Variants in SEC22A observed in about 807,000 individuals in gnomAD.
SEC22A encodes the protein vesicle-trafficking protein SEC22a.
In SEC22A, 22 loss-of-function variants were observed where a neutral mutation model predicts 35.3. That is an observed-to-expected ratio of 0.62 (90% confidence interval 0.45 to 0.89). The LOEUF (loss-of-function observed/expected upper bound fraction) is 0.89, where lower values mean the gene tolerates loss of function less well. SEC22A is among the 40% of genes least tolerant of loss of function. The pLI is 0.00. For synonymous variants in SEC22A, 119 were observed against 129.5 expected, an observed-to-expected ratio of 0.92 and a Z score of 0.55; for missense variants, 354 against 362.5, an observed-to-expected ratio of 0.98 and a Z score of 0.19.
At chr3:123,210,943 G>A (rs998150551) in intron 2 of SEC22A, among the ~76,000 whole-genome samples, 1 of 152,260 alleles carries the variant, frequency 6.6e-6, no homozygotes, top group Admixed American at 6.5e-5. Context: ...CTGGGTCAGT[G>A]GATGGTGATT....
At chr3:123,265,021 A>C (rs1323638954) in intron 6 of SEC22A, among the ~76,000 whole-genome samples, 1 of 152,056 alleles carries the variant, frequency 6.6e-6, no homozygotes, top group Non-Finnish European at 1.5e-5. Flanking sequence ...TTGACCCTTT[A>C]TATTTGTGGG....
chr3:123,265,959 T>C (rs1271224715), intron 6 of SEC22A, among the ~76,000 whole-genome samples: 2 of 152,206 alleles, frequency 1.3e-5, no homozygotes, highest in African/African-American at 4.8e-5. Flanking sequence ...GTATAATAAG[T>C]CATAAATTTT....
At chr3:123,253,310 T>A (rs1273328294) in intron 5 of SEC22A, among the ~76,000 whole-genome samples, 2 of 152,198 alleles carry the variant, frequency 1.3e-5, no homozygotes, top group Non-Finnish European at 2.9e-5. Context: ...AATCTAAGAT[T>A]TCTCGGATTC....
chr3:123,224,522 G>A (rs1237281207), intron 3 of SEC22A, among the ~76,000 whole-genome samples: 1 of 152,124 alleles, frequency 6.6e-6, no homozygotes, highest in Non-Finnish European at 1.5e-5. Context: ...GGCCAGGTGT[G>A]GTGTGGCTCA....
At chr3:123,220,526 T>G (rs1576487086) in intron 2 of SEC22A, among the ~76,000 whole-genome samples, 3 of 152,198 alleles carry the variant, frequency 2.0e-5, no homozygotes, top group Non-Finnish European at 4.4e-5. Context: ...CCTTAAGAGA[T>G]ACATTTTACT....
intron 5 of SEC22A, among the ~76,000 whole-genome samples, chr3:123,252,480 T>G (rs1235258595): frequency 6.6e-6 from 1 of 152,176 alleles, no homozygotes; most frequent in East Asian, 1.9e-4. Flanking sequence ...TCTCTGATAC[T>G]TGATTTAAGA....
intron 2 of SEC22A, among the ~76,000 whole-genome samples, chr3:123,211,483 T>C (rs1308765680): frequency 6.6e-6 from 1 of 151,976 alleles, no homozygotes; most frequent in Non-Finnish European, 1.5e-5. Flanking sequence ...TTTAAGACAC[T>C]GGGGCTTGCT....
intron 1 of SEC22A, among the ~76,000 whole-genome samples, chr3:123,206,096 A>C (rs936377626): frequency 1.3e-5 from 2 of 152,146 alleles, no homozygotes; most frequent in Non-Finnish European, 2.9e-5. Context: ...CCAGACATAA[A>C]ATAATACAGT....
Position 123,225,211 on chromosome 3 carries a change from A to G in SEC22A, c.455A>G (p.Gln152Arg), listed in dbSNP as rs762093476. ...QTEIKLRPPYQISMCELGSAN... is the reference protein window; with the variant it reads ...QTEIKLRPPYRISMCELGSAN... ...GAAATCAAGCTGAGGCCTCCTTATC[A>G]AATTTCCATGTGCGAACTGGGGTCA... is the stretch of plus-strand genomic sequence containing the variant. Residue 152 changes from glutamine (Q) to arginine (R), a missense_variant, in exon 4 of 7, where the codon CAA becomes CGA. Coordinates refer to ENST00000492595, the MANE Select transcript of SEC22A (RefSeq NM_012430.5). 20 of 1,613,700 alleles carry G rather than the reference A, an allele frequency of 1.2e-5. No homozygotes were observed. The East Asian group carries it at 4.0e-4, about 32-fold the overall frequency.
At chr3:123,239,077 G>A (rs555201598) in intron 4 of SEC22A, among the ~76,000 whole-genome samples, 1 of 151,996 alleles carries the variant, frequency 6.6e-6, no homozygotes, top group African/African-American at 2.4e-5. Context: ...GGAGATTTAC[G>A]TATATTAAAA....
intron 2 of SEC22A, among the ~76,000 whole-genome samples, chr3:123,213,208 C>G (rs867157850): frequency 6.6e-5 from 10 of 152,170 alleles, no homozygotes; most frequent in Middle Eastern, 3.2e-3. Flanking sequence ...CATATGTTTT[C>G]TATCATTGAT....
At chr3:123,260,140 A>AAAAAAAAAAAAAAAAC (rs1937851701) in intron 6 of SEC22A, among the ~76,000 whole-genome samples, 1 of 37,634 alleles carries the variant, frequency 2.7e-5, no homozygotes, top group South Asian at 7.5e-4. Flanking sequence ...TCAAAAAAAA[A>AAAAAAAAAAAAAAAAC]AAAAAAAAAA....
chr3:123,217,653 G>A (rs552689429), intron 2 of SEC22A, among the ~76,000 whole-genome samples: 1 of 152,202 alleles, frequency 6.6e-6, no homozygotes, highest in Admixed American at 6.5e-5. Flanking sequence ...ATGTATAGTG[G>A]CACAATTATA....
chr3:123,229,267 T>A (rs888055153), intron 4 of SEC22A, among the ~76,000 whole-genome samples: 1 of 152,208 alleles, frequency 6.6e-6, no homozygotes, highest in East Asian at 1.9e-4. Flanking sequence ...TACATGAGTT[T>A]ACCTGTATAA....
rs915427858 is a variant in SEC22A, at chr3:123,272,096, G to A, written c.*374G>A. 4.4e-6 allele frequency: 1 copy of A among 228,680 alleles called. No individual in the cohort carries two copies. The highest frequency in any genetic ancestry group is 2.3e-5 in the African/African-American group (1 of 43,942). The allele number at this position is 228,680 out of a possible 1,614,324, so 14.2% of individuals were successfully genotyped here. ...AACTCTACAACCTGAGTTTGCCTTT[G>A]TGAGGCATTAGTATAGACCAAATAA... On this transcript the variant is annotated 3_prime_UTR_variant, in exon 7 of 7. Coordinates refer to ENST00000492595, the MANE Select transcript of SEC22A (RefSeq NM_012430.5).
At chr3:123,267,889 GT>G (rs1208396516) in intron 6 of SEC22A, among the ~76,000 whole-genome samples, 1 of 152,094 alleles carries the variant, frequency 6.6e-6, no homozygotes, top group East Asian at 1.9e-4. Context: ...AAATGTTCTA[GT>G]TTTTTTCTGG....
rs1559753931 is a variant in SEC22A at position 123,223,559 on chromosome 3, T to C, written c.183T>C (p.Asn61=). The change falls in exon 3 of 7, where the codon AAT becomes AAC. Residue 61 remains asparagine, a splice_region_variant and synonymous_variant. Coordinates refer to ENST00000492595, the MANE Select transcript of SEC22A (RefSeq NM_012430.5). ...CTLKTGHYNI[N]FISSLGVSYM... ...AAAACCAATGTTTTTTACACTGTAGTTTTATTAGCTCTCTGGGAGTGAGCT... is the reference window on the plus strand; with the variant it reads ...AAAACCAATGTTTTTTACACTGTAGCTTTATTAGCTCTCTGGGAGTGAGCT... 1.2e-6 allele frequency: 2 copies of C among 1,610,026 alleles called. No individual in the cohort carries two copies. The highest frequency in any genetic ancestry group is 1.7e-6 in the Non-Finnish European group (2 of 1,178,252).
intron 2 of SEC22A, among the ~76,000 whole-genome samples, chr3:123,216,955 T>G (rs184083511): frequency 4.1e-4 from 62 of 152,092 alleles, no homozygotes; most frequent in Non-Finnish European, 2.8e-4. Context: ...GCCTCCTGAG[T>G]AGCTGTGACT....
At chr3:123,261,915 G>A (rs1937902233) in intron 6 of SEC22A, among the ~76,000 whole-genome samples, 1 of 152,152 alleles carries the variant, frequency 6.6e-6, no homozygotes, top group Admixed American at 6.5e-5. Flanking sequence ...TTGCTTCGTG[G>A]TAGAGTGGTG....
Sources: gnomAD v4.1 joint callset for allele counts (sites outside exome capture counted in the v4.1 genomes callset) on GRCh38, gnomAD v4.1.1 for gene constraint, MANE v1.5 for transcripts, NCBI Gene and HGNC (gene_info 2026-07-23, HGNC 2026-07-21) for gene names.